Variants in TSHR observed in about 807,000 individuals in gnomAD.
TSHR encodes thyroid stimulating hormone receptor, also known as thyrotropin receptor.
In TSHR, 51 loss-of-function variants were observed where a neutral mutation model predicts 64.1. That is an observed-to-expected ratio of 0.80 (90% CI 0.64 to 1.01). The LOEUF (loss-of-function observed/expected upper bound fraction) is 1.01. TSHR is among the 50% of genes least tolerant of loss of function. The probability of loss-of-function intolerance (pLI) is 0.00; values close to 1 mark genes in which losing one functional copy is unlikely to be tolerated. For synonymous variants in TSHR, 361 were observed against 361.9 expected (o/e 1.00, Z 0.03); for missense variants, 877 against 942.8 (o/e 0.93, Z 0.91).
intron 3 of TSHR, among the ~76,000 whole-genome samples, chr14:81,079,975 C>T (rs922784016): frequency 1.5e-4 from 22 of 150,732 alleles, no homozygotes; most frequent in African/African-American, 3.9e-4. Flanking sequence ...GTTTTTGAGA[C>T]GGAGTCTTGC....
intron 8 of TSHR, among the ~76,000 whole-genome samples, chr14:81,114,181 A>T: frequency 6.6e-6 from 1 of 151,396 alleles, no homozygotes; most frequent in Admixed American, 6.6e-5. Context: ...AGGAGCCAAG[A>T]TGGCCGAATA....
At chr14:81,142,037 T>C (rs1333359056) in intron 9 of TSHR, among the ~76,000 whole-genome samples, 1 of 152,082 alleles carries the variant, frequency 6.6e-6, no homozygotes, top group Non-Finnish European at 1.5e-5. Context: ...CCCAAGCTAG[T>C]CAATAATTGA....
At chr14:81,120,387 C>T (rs1890739781) in intron 8 of TSHR, among the ~76,000 whole-genome samples, 2 of 152,168 alleles carry the variant, frequency 1.3e-5, no homozygotes, top group South Asian at 4.1e-4. Context: ...GTGTACAGAT[C>T]TTTCACCTCC....
chr14:80,999,387 A>T (rs1378054537), intron 1 of TSHR, among the ~76,000 whole-genome samples: 3 of 152,174 alleles, frequency 2.0e-5, no homozygotes, highest in South Asian at 2.1e-4. Flanking sequence ...TAGGCTAAAC[A>T]TTCCAGGTTT....
At chr14:80,964,811 T>C (rs1887214481) in intron 1 of TSHR, among the ~76,000 whole-genome samples, 1 of 152,230 alleles carries the variant, frequency 6.6e-6, no homozygotes, top group African/African-American at 2.4e-5. Flanking sequence ...ATTTTAACAA[T>C]AAATGAAAAT....
intron 2 of TSHR, among the ~76,000 whole-genome samples, chr14:81,064,760 A>G (rs1001083400): frequency 1.1e-4 from 16 of 152,122 alleles, no homozygotes; most frequent in African/African-American, 3.9e-4. Context: ...TCAGGTAGAG[A>G]TTGAGAGTCA....
chr14:81,026,016 C>T (rs1415446464), intron 1 of TSHR, among the ~76,000 whole-genome samples: 1 of 152,090 alleles, frequency 6.6e-6, no homozygotes, highest in Non-Finnish European at 1.5e-5. Context: ...CCTCAAGGAG[C>T]TCCTGAAACC....
chr14:81,029,148 A>T (rs983200971), intron 1 of TSHR, among the ~76,000 whole-genome samples: 1 of 152,174 alleles, frequency 6.6e-6, no homozygotes, highest in South Asian at 2.1e-4. Flanking sequence ...AACCATAACA[A>T]AGGCCATCAT....
Position 81,103,587 on chromosome 14 carries a change from G to T in TSHR, c.615-4788G>T. The stretch of plus-strand genomic sequence containing the variant: ...CAATTAGTTAGGATTTCATGAAAAT[G>T]ATGGCAGATGTGTAAAAGCACATTG... On this transcript the variant is annotated intron_variant, in intron 7 of 9. Transcript: ENST00000298171. This position sits in a 1 kb window ranked among gnomAD's most constrained non-coding sequence, Gnocchi z 4.1. 1.0e-6 allele frequency: 1 copy of T among 985,454 alleles called. No homozygotes were observed. The highest frequency in any genetic ancestry group is 4.7e-5 in the South Asian group (1 of 21,286). 61.0% of individuals were successfully genotyped at this position (985,454 alleles called of 1,614,324 possible). A position where few individuals can be genotyped will look rare whatever the true frequency, so the allele number is the denominator to read the frequency against.
At chr14:81,115,266 A>G (rs1890443168) in intron 8 of TSHR, among the ~76,000 whole-genome samples, 1 of 151,918 alleles carries the variant, frequency 6.6e-6, no homozygotes, top group Non-Finnish European at 1.5e-5. Context: ...AAAGGCAAAG[A>G]AGTTGAAAAC....
At chr14:80,969,603 GA>G (rs1205167604) in intron 1 of TSHR, among the ~76,000 whole-genome samples, 2 of 152,154 alleles carry the variant, frequency 1.3e-5, no homozygotes, top group Non-Finnish European at 2.9e-5. Flanking sequence ...ATCTTGATTA[GA>G]CTTGATGAAA....
chr14:81,104,342 TAATC>T (rs1889761705), intron 7 of TSHR: 1 of 985,180 alleles, frequency 1.0e-6, no homozygotes, highest in African/African-American at 1.7e-5. Context: ...TCTCACAACA[TAATC>T]AAGGCCCAGC....
At position 81,144,657 on chromosome 14, in the gene TSHR, G is replaced by T; in HGVS notation, c.*304G>T. 2.4e-6 allele frequency: 1 copy of T among 410,338 alleles called. No homozygotes were observed. The highest frequency in any genetic ancestry group is 4.0e-5 in the East Asian group (1 of 25,124). The allele number at this position is 410,338 out of a possible 1,614,324, so 25.4% of individuals were successfully genotyped here. A position where few individuals can be genotyped will look rare whatever the true frequency, so the allele number is the denominator to read the frequency against. ...GAGATGTCATTGTGTAGGATGTTCA[G>T]TAAATATTAACTGAGCTATGTCAAT... On this transcript the variant is annotated 3_prime_UTR_variant, in exon 10 of 10. Transcript: ENST00000298171.
chr14:81,139,880 G>A lies in TSHR; in HGVS notation c.881+13G>A, dbSNP rs1288091129. 3.1e-6 allele frequency: 5 copies of A among 1,613,976 alleles called. No homozygotes were observed. The East Asian group carries it at 8.9e-5, about 29-fold the overall frequency. On this transcript the variant is annotated intron_variant, in intron 9 of 9. Transcript: ENST00000298171. ...AGAAAATCAGAGGGTAAGTGGCAGG[G>A]ACCCGGCATAAGTGACAAAAGACCT...
intron 1 of TSHR, chr14:81,032,789 T>C: frequency 7.3e-6 from 3 of 410,800 alleles, no homozygotes; most frequent in South Asian, 6.4e-5. Context: ...CATGGAAAAA[T>C]TTTCAGAAGG....
intron 1 of TSHR, chr14:80,994,652 G>A (rs1259064498): frequency 6.6e-6 from 1 of 152,194 alleles, no homozygotes; most frequent in Admixed American, 6.5e-5. Flanking sequence ...TTCAATAAAT[G>A]GTGCTGAGAT....
chr14:80,978,246 T>C (rs553701559), intron 1 of TSHR, among the ~76,000 whole-genome samples: 2 of 152,316 alleles, frequency 1.3e-5, no homozygotes, highest in South Asian at 4.1e-4. Flanking sequence ...TGCCACCCTG[T>C]GCCAGAGACT....
At chr14:80,965,669 C>A (rs1887262217) in intron 1 of TSHR, among the ~76,000 whole-genome samples, 1 of 152,118 alleles carries the variant, frequency 6.6e-6, no homozygotes, top group Non-Finnish European at 1.5e-5. Flanking sequence ...GCAAAATGGT[C>A]CCATTTGTTC....
intron 1 of TSHR, among the ~76,000 whole-genome samples, chr14:81,024,748 C>T (rs1193469191): frequency 6.6e-6 from 1 of 152,154 alleles, no homozygotes; most frequent in African/African-American, 2.4e-5. Flanking sequence ...ATCGCAGCTG[C>T]AGACCTCCAT....
Sources: allele counts gnomAD v4.1 joint callset (sites outside exome capture counted in the v4.1 genomes callset), GRCh38; gene constraint gnomAD v4.1.1; non-coding constraint Gnocchi (gnomAD v3.1); transcripts MANE v1.5; gene names NCBI Gene and HGNC (gene_info 2026-07-23, HGNC 2026-07-21).